KIAA0319L: variants seen among roughly 807,000 people sequenced by gnomAD.
The protein encoded by KIAA0319L is dyslexia-associated protein KIAA0319-like protein.
A neutral mutation model predicts 120.1 loss-of-function variants in KIAA0319L; 55 were observed. The ratio of observed to expected loss-of-function variants is 0.46; its 90% CI spans 0.37 to 0.57. KIAA0319L has a LOEUF of 0.57. Among genes scored for constraint, KIAA0319L ranks in the 20% least tolerant of loss-of-function variants. KIAA0319L has a pLI of 0.00. For missense variants in KIAA0319L, 1,049 were observed against 1,255.3 expected, an observed-to-expected ratio of 0.84 and a Z score of 2.48; for synonymous variants, 398 against 471.9, an observed-to-expected ratio of 0.84 and a Z score of 2.03.
chr1:35,519,980 C>G lies in KIAA0319L; in HGVS notation c.143-12845G>C, dbSNP rs1388830927. The stretch of plus-strand genomic sequence containing the variant: ...ATGATCCAACTTCACAGACTGATCT[C>G]ACTCTAAGTAAATGGTCTCCATTCT... On this transcript the variant is annotated intron_variant, in intron 2 of 20. Coordinates refer to ENST00000325722, the MANE Select transcript of KIAA0319L (RefSeq NM_024874.5). Among the ~76,000 whole-genome samples, 4 of 152,352 alleles carry G rather than the reference C, an allele frequency of 2.6e-5. No homozygotes were observed. The East Asian group carries it at 7.7e-4, about 29-fold the overall frequency.
Position 35,506,692 on chromosome 1 carries a change from C to T in KIAA0319L, c.586G>A (p.Val196Ile). ...GAATGCTGTGTCACTATAGGTGTAA[C>T]TACGTCACTGGGACTACCTCTCTTC... Reference protein sequence around the residue: ...LQKRGSPSDVVTPIVTQHSKV... With the variant: ...LQKRGSPSDVITPIVTQHSKV... The change falls in exon 3 of 21, where the codon GTT (valine) becomes ATT (isoleucine). Residue 196 changes from valine to isoleucine, a missense_variant. Transcript: ENST00000325722. The surrounding 1 kb of genome is among the most constrained non-coding windows in gnomAD (Gnocchi z 4.0). The T allele has an allele frequency of 6.2e-7, 1 of 1,614,184 alleles. No individual in the cohort carries two copies. Among genetic ancestry groups the T allele is most frequent in the Non-Finnish European group, 8.5e-7 (1 of 1,180,018 alleles).
chr1:35,496,295 C>T (rs1644804180), intron 3 of KIAA0319L, among the ~76,000 whole-genome samples: 1 of 152,030 alleles, frequency 6.6e-6, no homozygotes, highest in Non-Finnish European at 1.5e-5. Context: ...TGGCAGGTGC[C>T]TGTAATCCCA....
intron 1 of KIAA0319L, among the ~76,000 whole-genome samples, chr1:35,555,490 G>T (rs1455272997): frequency 1.3e-5 from 2 of 152,176 alleles, no homozygotes; most frequent in Non-Finnish European, 2.9e-5. Context: ...CCCAAGAAAA[G>T]GCTTTTGCAG....
intron 10 of KIAA0319L, among the ~76,000 whole-genome samples, chr1:35,455,755 A>G (rs185762973): frequency 2.2e-4 from 33 of 151,592 alleles, no homozygotes; most frequent in Admixed American, 1.4e-3. Context: ...TAATTTTTTT[A>G]TCTTTAGTAG....
chr1:35,473,657 G>C (rs1389966340), intron 5 of KIAA0319L, among the ~76,000 whole-genome samples: 1 of 152,176 alleles, frequency 6.6e-6, no homozygotes, highest in African/African-American at 2.4e-5. Flanking sequence ...GAAATGAATT[G>C]ATAAGGAAAC....
At chr1:35,498,184 T>C (rs908969333) in intron 3 of KIAA0319L, among the ~76,000 whole-genome samples, 12 of 151,952 alleles carry the variant, frequency 7.9e-5, no homozygotes, top group African/African-American at 2.7e-4. Flanking sequence ...ATACAAAAAA[T>C]TAGCTGGGTA....
Position 35,481,276 on chromosome 1 carries a change from G to A in KIAA0319L, c.667-2064C>T, listed in dbSNP as rs568275824. Among the ~76,000 whole-genome samples the A allele has an allele frequency of 6.6e-5, 10 of 152,130 alleles. No homozygotes were observed. In the East Asian group the frequency reaches 9.6e-4, roughly 15 times the overall value. ...TAAGTATACATGTTTCTGTAAACAC[G>A]TGTTCTAATTTATCTTAGGTAGTTA... On this transcript the variant is annotated intron_variant, in intron 3 of 20. Coordinates refer to ENST00000325722, the MANE Select transcript of KIAA0319L (RefSeq NM_024874.5).
At chr1:35,483,963 C>A (rs1409313995) in intron 3 of KIAA0319L, among the ~76,000 whole-genome samples, 1 of 152,120 alleles carries the variant, frequency 6.6e-6, no homozygotes, top group Non-Finnish European at 1.5e-5. Context: ...TGGCCTTCTT[C>A]CGTGTCTGTG....
intron 2 of KIAA0319L, among the ~76,000 whole-genome samples, chr1:35,532,617 T>C (rs1646414069): frequency 6.6e-6 from 1 of 152,222 alleles, no homozygotes; most frequent in African/African-American, 2.4e-5. Context: ...TATTGGATTC[T>C]AGAAGTAACT....
Position 35,451,924 on chromosome 1 carries a change from T to C in KIAA0319L, c.1914-148A>G, listed in dbSNP as rs1226033996. The C allele has an allele frequency of 1.3e-5, 11 of 826,372 alleles. 1 individual carries two copies. The South Asian group carries it at 1.9e-4, about 15-fold the overall frequency. The allele number at this position is 826,372 out of a possible 1,614,324, so 51.2% of individuals were successfully genotyped here. On this transcript the variant is annotated intron_variant, in intron 12 of 20. Coordinates refer to ENST00000325722, the MANE Select transcript of KIAA0319L (RefSeq NM_024874.5). ...CAAGACATGTTTAAAAATATTTCAATTGGACAAAGTGTCATTTGGCCTCAA... is the reference window on the plus strand; with the variant it reads ...CAAGACATGTTTAAAAATATTTCAACTGGACAAAGTGTCATTTGGCCTCAA...
At chr1:35,473,079 C>A (rs1017519027) in intron 5 of KIAA0319L, among the ~76,000 whole-genome samples, 1 of 124,132 alleles carries the variant, frequency 8.1e-6, no homozygotes, top group Non-Finnish European at 1.6e-5. Flanking sequence ...CTGCGCCCAG[C>A]CTTTTTTTTT....
rs377664746 is a variant in KIAA0319L at position 35,450,499 on chromosome 1, T to C, written c.2073A>G (p.Lys691=). 6.2e-7 allele frequency: 1 copy of C among 1,611,962 alleles called. No homozygotes were observed. Among genetic ancestry groups the C allele is most frequent in the African/African-American group, 1.3e-5 (1 of 74,866 alleles). ...VNVIVKEEIN[K]PPIAKITGNV... ...TCCCAGTTATCTTGGCTATAGGTGG[T>C]TTGTTTATTTCTAATCAAAAAGAAA... Residue 691 remains lysine, a synonymous_variant, in exon 14 of 21, where the codon AAA becomes AAG. Coordinates refer to ENST00000325722, the MANE Select transcript of KIAA0319L (RefSeq NM_024874.5).
chr1:35,466,549 A>G (rs369928847), intron 7 of KIAA0319L, 59 bp downstream of exon 7: 74 of 1,121,532 alleles, frequency 6.6e-5, no homozygotes, highest in South Asian at 4.0e-4. Flanking sequence ...TCAAATCTCT[A>G]TCTCCTCAGG....
chr1:35,503,644 A>T (rs1231446074), intron 3 of KIAA0319L, among the ~76,000 whole-genome samples: 2 of 152,064 alleles, frequency 1.3e-5, no homozygotes, highest in Non-Finnish European at 2.9e-5. Flanking sequence ...TTTTTAGTAC[A>T]ATGGTTCTCT....
At chr1:35,495,005 C>T (rs991912142) in intron 3 of KIAA0319L, among the ~76,000 whole-genome samples, 3 of 151,890 alleles carry the variant, frequency 2.0e-5, no homozygotes, top group African/African-American at 7.2e-5. Context: ...TATTCATATG[C>T]CAAAAAAAAA....
intron 6 of KIAA0319L, among the ~76,000 whole-genome samples, chr1:35,468,244 C>T (rs1023665876): frequency 6.6e-6 from 1 of 151,646 alleles, no homozygotes; most frequent in Admixed American, 6.6e-5. Flanking sequence ...TTATAACACT[C>T]TTCTTCTTGG....
chr1:35,546,931 T>C (rs183760345), intron 2 of KIAA0319L, among the ~76,000 whole-genome samples: 1,820 of 150,476 alleles, frequency 0.012, 12 homozygotes, highest in South Asian at 0.023. Flanking sequence ...AAACCAAGAG[T>C]TACCATAACA....
chr1:35,502,657 T>C (rs1477790611), intron 3 of KIAA0319L, among the ~76,000 whole-genome samples: 1 of 152,022 alleles, frequency 6.6e-6, no homozygotes, highest in Non-Finnish European at 1.5e-5. Flanking sequence ...AATTCAAATA[T>C]TACATACTCT....
intron 2 of KIAA0319L, among the ~76,000 whole-genome samples, chr1:35,513,815 C>T (rs994878052): frequency 6.6e-6 from 1 of 152,134 alleles, no homozygotes; most frequent in African/African-American, 2.4e-5. Flanking sequence ...CTCTGACAAA[C>T]GTTTCCTTTA....
Sources: allele counts gnomAD v4.1 joint callset (sites outside exome capture counted in the v4.1 genomes callset), GRCh38; gene constraint gnomAD v4.1.1; non-coding constraint Gnocchi (gnomAD v3.1); transcripts MANE v1.5; gene names NCBI Gene and HGNC (gene_info 2026-07-23, HGNC 2026-07-21).